Variants in SLC25A33 observed in about 807,000 individuals in gnomAD.
SLC25A33 encodes bone marrow stromal cell mitochondrial carrier protein.
Under a neutral mutation model 35.5 loss-of-function variants are expected in SLC25A33, and 15 were observed. The ratio of observed to expected loss-of-function variants is 0.42; its 90% CI spans 0.28 to 0.65. The LOEUF is 0.65. Ranked by LOEUF, SLC25A33 falls within the 30% of genes least tolerant of loss-of-function variation. The probability of loss-of-function intolerance (pLI) is 0.20; values close to 1 mark genes in which losing one functional copy is unlikely to be tolerated. For synonymous variants in SLC25A33, 136 were observed against 148.7 expected, an observed-to-expected ratio of 0.91 and a Z score of 0.62; for missense variants, 257 against 398.5, an observed-to-expected ratio of 0.64 and a Z score of 3.02.
intron 5 of SLC25A33, among the ~76,000 whole-genome samples, chr1:9,577,169 A>G (rs9430153): frequency 0.3 from 45,611 of 152,064 alleles, 9,273 homozygotes; most frequent in African/African-American, 0.58. Flanking sequence ...TCAAGAAAGC[A>G]TGGTTAGGCT....
At chr1:9,547,910 G>C (rs1344270053) in intron 1 of SLC25A33, among the ~76,000 whole-genome samples, 1 of 151,876 alleles carries the variant, frequency 6.6e-6, no homozygotes, top group Non-Finnish European at 1.5e-5. Context: ...GGAGTGCAGG[G>C]GTATGATCAC....
rs1027100029 is a variant in SLC25A33, at chr1:9,578,278, G to A, written c.483-1676G>A. 5.3e-5 allele frequency among the ~76,000 whole-genome samples: 8 copies of A among 152,122 alleles called. No individual in the cohort carries two copies. Among genetic ancestry groups the A allele is most frequent in the African/African-American group, 7.2e-5 (3 of 41,424 alleles). On this transcript the variant is annotated intron_variant, in intron 5 of 6. Coordinates refer to ENST00000302692, the MANE Select transcript of SLC25A33 (RefSeq NM_032315.3). The surrounding 1 kb of genome is among the most constrained non-coding windows in gnomAD (Gnocchi z 4.3). ...GATTTGTGTTAGAAAGGTCACTGCC[G>A]CTAAGGAGCGGGAACAGTCTATGCG...
intron 2 of SLC25A33, chr1:9,556,277 A>G: frequency 1.0e-6 from 1 of 977,878 alleles, no homozygotes; most frequent in Non-Finnish European, 1.2e-6. Context: ...CTTCAGTAAC[A>G]TTCAAAATGA....
chr1:9,564,737 AAAATATATAT>A (rs1448462951), intron 2 of SLC25A33, among the ~76,000 whole-genome samples: 6 of 72,734 alleles, frequency 8.2e-5, no homozygotes, highest in East Asian at 1.6e-3. Flanking sequence ...AAAAAAAAAA[AAAATATATAT>A]ATATATATAT....
intron 5 of SLC25A33, among the ~76,000 whole-genome samples, chr1:9,579,598 G>C (rs527598046): frequency 2.0e-5 from 3 of 152,152 alleles, no homozygotes; most frequent in Non-Finnish European, 2.9e-5. Context: ...GCCTCCATGC[G>C]ATCAGCTCTG....
intron 1 of SLC25A33, among the ~76,000 whole-genome samples, chr1:9,543,876 C>T (rs1339120348): frequency 6.6e-6 from 1 of 152,052 alleles, no homozygotes; most frequent in Non-Finnish European, 1.5e-5. Flanking sequence ...GAGGCCGAGG[C>T]GGGTGGATCA....
At chr1:9,541,993 G>A (rs1293849633) in intron 1 of SLC25A33, among the ~76,000 whole-genome samples, 1 of 151,970 alleles carries the variant, frequency 6.6e-6, no homozygotes, top group Non-Finnish European at 1.5e-5. Flanking sequence ...TAGAGACGGG[G>A]TTTAACCGTG....
chr1:9,539,809 G>C, intron 1 of SLC25A33, 62 bp downstream of exon 1: 1 of 1,266,294 alleles, frequency 7.9e-7, no homozygotes, highest in Non-Finnish European at 9.9e-7. Flanking sequence ...CCTTCGCCCC[G>C]GGCGCGGCCC....
rs1239404925 is a variant in SLC25A33, at chr1:9,578,424, G to A, written c.483-1530G>A. On this transcript the variant is annotated intron_variant, in intron 5 of 6. Transcript: ENST00000302692. The surrounding 1 kb of genome is among the most constrained non-coding windows in gnomAD (Gnocchi z 4.3). ...GCACACCTAACTACACTCATCTGGT[G>A]GCTCACTCTTGCCTTGCAGCCAGGC... 6.6e-6 allele frequency among the ~76,000 whole-genome samples: 1 copy of A among 152,210 alleles called. No individual in the cohort carries two copies. Among genetic ancestry groups the A allele is most frequent in the African/African-American group, 2.4e-5 (1 of 41,452 alleles).
rs899622501 is a variant in SLC25A33 at position 9,555,595 on chromosome 1, G to A, written c.236+1790G>A. Among the ~76,000 whole-genome samples the A allele has an allele frequency of 3.9e-5, 6 of 152,190 alleles. No homozygotes were observed. In the East Asian group the frequency reaches 7.7e-4, roughly 19 times the overall value. ...GCGAAACTGAACAGCAAGACCAGATGCCAGGGACAAGTGAGAGCATCAGAA... is the reference window on the plus strand; with the variant it reads ...GCGAAACTGAACAGCAAGACCAGATACCAGGGACAAGTGAGAGCATCAGAA... On this transcript the variant is annotated intron_variant, in intron 2 of 6. Transcript: ENST00000302692.
chr1:9,548,831 A>G lies in SLC25A33; in HGVS notation c.57-4795A>G, dbSNP rs528251328. Among the ~76,000 whole-genome samples the G allele has an allele frequency of 3.3e-5, 5 of 152,276 alleles. No individual in the cohort carries two copies. The East Asian group carries it at 9.6e-4, about 29-fold the overall frequency. ...TTTTCCTACTGTCTGAGCACTGGCT[A>G]CTGGAGCCCTCAGATGAACCAAGAG... is the stretch of plus-strand genomic sequence containing the variant. On this transcript the variant is annotated intron_variant, in intron 1 of 6. Transcript: ENST00000302692.
chr1:9,553,203 G>GTTTTTTTTTTTTT (rs550067186), intron 1 of SLC25A33, among the ~76,000 whole-genome samples: 59 of 56,438 alleles, frequency 1.0e-3, no homozygotes, highest in Non-Finnish European at 1.1e-3. Context: ...TTCTAGTTTT[G>GTTTTTTTTTTTTT]TTTTTTTTTT....
Position 9,582,670 on chromosome 1 carries a change from T to A in SLC25A33, c.*169T>A. On this transcript the variant is annotated 3_prime_UTR_variant, in exon 7 of 7. Transcript: ENST00000302692. The surrounding 1 kb of genome is among the most constrained non-coding windows in gnomAD (Gnocchi z 4.0). ...TTGGATTCATGCTTTCTGGAAGGTTTAAATTCATTAACGTTAATAGTTAAT... is the reference window on the plus strand; with the variant it reads ...TTGGATTCATGCTTTCTGGAAGGTTAAAATTCATTAACGTTAATAGTTAAT... 1 of 665,426 alleles carries A rather than the reference T, an allele frequency of 1.5e-6. No homozygotes were observed. The highest frequency in any genetic ancestry group is 2.5e-6 in the Non-Finnish European group (1 of 401,302). 41.2% of individuals were successfully genotyped at this position (665,426 alleles called of 1,614,324 possible).
At chr1:9,540,827 G>A (rs1643068359) in intron 1 of SLC25A33, among the ~76,000 whole-genome samples, 1 of 152,150 alleles carries the variant, frequency 6.6e-6, no homozygotes, top group African/African-American at 2.4e-5. Context: ...TGATGAAAGC[G>A]TCCCTGAGCT....
intron 1 of SLC25A33, among the ~76,000 whole-genome samples, chr1:9,553,203 G>GTTTTTTTTTTTTTTT (rs550067186): frequency 9.4e-4 from 53 of 56,484 alleles, no homozygotes; most frequent in African/African-American, 1.1e-3. Flanking sequence ...TTCTAGTTTT[G>GTTTTTTTTTTTTTTT]TTTTTTTTTT....
chr1:9,571,976 T>C (rs1465536579), intron 4 of SLC25A33, among the ~76,000 whole-genome samples: 1 of 152,202 alleles, frequency 6.6e-6, no homozygotes, highest in Non-Finnish European at 1.5e-5. Context: ...ATTGGCATTT[T>C]ACGAAAAATT....
intron 2 of SLC25A33, among the ~76,000 whole-genome samples, chr1:9,566,707 G>A (rs1027814702): frequency 3.3e-5 from 5 of 152,140 alleles, no homozygotes; most frequent in Non-Finnish European, 5.9e-5. Context: ...TTAGCTGAGC[G>A]TGGTGGTGCA....
At chr1:9,558,914 G>A (rs1004952842) in intron 2 of SLC25A33, among the ~76,000 whole-genome samples, 1 of 152,118 alleles carries the variant, frequency 6.6e-6, no homozygotes, top group African/African-American at 2.4e-5. Context: ...AAGAGCTACA[G>A]CTATCCCTGT....
At chr1:9,550,095 C>T (rs1249700412) in intron 1 of SLC25A33, among the ~76,000 whole-genome samples, 1 of 134,944 alleles carries the variant, frequency 7.4e-6, no homozygotes, top group Non-Finnish European at 1.5e-5. Flanking sequence ...TCACTGCAGC[C>T]TTGACCTCCT....
Sources: gnomAD v4.1 joint callset for allele counts (sites outside exome capture counted in the v4.1 genomes callset) on GRCh38, gnomAD v4.1.1 for gene constraint, Gnocchi (gnomAD v3.1) non-coding constraint, MANE v1.5 for transcripts, NCBI Gene and HGNC (gene_info 2026-07-23, HGNC 2026-07-21) for gene names.